C6: variants seen among roughly 807,000 people sequenced by gnomAD.
The protein encoded by C6 is complement C6, also known as complement component C6.
Under a neutral mutation model 112.9 loss-of-function variants are expected in C6, and 101 were observed. The observed-to-expected ratio is 0.89, with a 90% confidence interval of 0.76 to 1.06. The LOEUF (loss-of-function observed/expected upper bound fraction) is 1.06, where lower values mean the gene tolerates loss of function less well. Among genes scored for constraint, C6 ranks in the 50% least tolerant of loss-of-function variants. The pLI, the probability that C6 is intolerant of heterozygous loss-of-function variation, is 0.00. For missense variants in C6, 1,202 were observed against 1,104.6 expected (o/e 1.09, Z -1.25); for synonymous variants, 431 against 384.1 (o/e 1.12, Z -1.43).
chr5:41,172,927 T>G (rs1748549027), intron 8 of C6, among the ~76,000 whole-genome samples: 7 of 152,166 alleles, frequency 4.6e-5, no homozygotes, highest in Admixed American at 4.6e-4. Context: ...TCTCCTTAAT[T>G]CACCTGCTCA....
intron 9 of C6, among the ~76,000 whole-genome samples, chr5:41,164,086 G>A (rs1187729670): frequency 6.6e-6 from 1 of 150,662 alleles, no homozygotes; most frequent in Non-Finnish European, 1.5e-5. Context: ...AAACAAGGAT[G>A]GAAAAGAAGA....
At chr5:41,213,347 A>G (rs1752060964) in intron 1 of C6, 29 bp downstream of exon 1, 1 of 918,624 alleles carries the variant, frequency 1.1e-6, no homozygotes, top group Non-Finnish European at 1.3e-6. Context: ...AAATATTAAG[A>G]TTGAAAATGA....
At position 41,186,186 on chromosome 5, in the gene C6, G is replaced by A. The variant is rs977192561; in HGVS notation, c.610C>T (p.Pro204Ser). The A allele has an allele frequency of 6.2e-7, 1 of 1,613,624 alleles. No individual in the cohort carries two copies. Among genetic ancestry groups the A allele is most frequent in the Non-Finnish European group, 8.5e-7 (1 of 1,179,792 alleles). Residue 204 changes from proline to serine, a missense_variant, in exon 6 of 18, where the codon CCC (proline) becomes TCC (serine). Coordinates refer to ENST00000337836, the MANE Select transcript of C6 (RefSeq NM_000065.5). ...GNGFHFLAGE[P>S]RGEVLDNSFT... ...GAGTTATCAAGGACTTCTCCTCTGG[G>A]CTCTCCTGCCAGAAAATGAAACCTA... is the stretch of plus-strand genomic sequence containing the variant.
At chr5:41,251,884 G>A (rs2150438752) in intron 1 of C6, among the ~76,000 whole-genome samples, 1 of 152,238 alleles carries the variant, frequency 6.6e-6, no homozygotes, top group East Asian at 1.9e-4. Flanking sequence ...GAAGCAAAAA[G>A]CAAGTAAAGT....
At chr5:41,159,504 A>G in intron 11 of C6, 12 of 982,722 alleles carry the variant, frequency 1.2e-5, no homozygotes, top group Non-Finnish European at 1.5e-5. Flanking sequence ...ATTATTTTCA[A>G]CTGTTAAGAA....
At position 41,211,010 on chromosome 5, in the gene C6, G is replaced by A. The variant is rs577306327; in HGVS notation, c.-21+2366C>T. 3.3e-5 allele frequency among the ~76,000 whole-genome samples: 5 copies of A among 152,260 alleles called. No individual in the cohort carries two copies. In the East Asian group the frequency reaches 9.6e-4, roughly 29 times the overall value. On this transcript the variant is annotated intron_variant, in intron 1 of 17. Coordinates refer to ENST00000337836, the MANE Select transcript of C6 (RefSeq NM_000065.5). ...CCCAAATGTCCATCAATGATAGACTGGATTAAGAAAATGTGGCACATATAC... is the reference window on the plus strand; with the variant it reads ...CCCAAATGTCCATCAATGATAGACTAGATTAAGAAAATGTGGCACATATAC...
At chr5:41,231,028 C>T (rs1019167385) in intron 1 of C6, among the ~76,000 whole-genome samples, 1 of 152,108 alleles carries the variant, frequency 6.6e-6, no homozygotes, top group Non-Finnish European at 1.5e-5. Context: ...CTTTTGTTTA[C>T]TATTTGCATG....
At chr5:41,190,394 G>T (rs1017094702) in intron 5 of C6, among the ~76,000 whole-genome samples, 1 of 151,972 alleles carries the variant, frequency 6.6e-6, no homozygotes, top group Non-Finnish European at 1.5e-5. Context: ...TATTTGTTGG[G>T]CTCCTTTTGG....
At chr5:41,157,405 G>A (rs912674597) in intron 13 of C6, among the ~76,000 whole-genome samples, 12 of 152,168 alleles carry the variant, frequency 7.9e-5, no homozygotes, top group African/African-American at 2.9e-4. Context: ...AATGTTCTAG[G>A]GCAGGGGCCA....
At chr5:41,212,321 C>G (rs1181681005) in intron 1 of C6, among the ~76,000 whole-genome samples, 2 of 152,036 alleles carry the variant, frequency 1.3e-5, no homozygotes, top group Admixed American at 6.6e-5. Context: ...CCACCACACC[C>G]AGCTAATTTT....
rs371198074 is a variant in C6 at position 41,246,932 on chromosome 5, T to A, written c.-21+14262A>T. On this transcript the variant is annotated intron_variant, in intron 1 of 17. Coordinates refer to the C6 transcript ENST00000263413. ...AAGTAACATAATAAATTTATATGGT[T>A]ATAAAATCAGATTCAGAAAGTTAAA... 5.7e-4 allele frequency among the ~76,000 whole-genome samples: 87 copies of A among 152,294 alleles called. 1 individual carries two copies. Among genetic ancestry groups the A allele is most frequent in the African/African-American group, 2.0e-3 (85 of 41,540 alleles).
Position 41,150,053 on chromosome 5 carries a change from A to T in C6, c.2291-28T>A, listed in dbSNP as rs1746236230. On this transcript the variant is annotated intron_variant, in intron 15 of 17. Transcript: ENST00000337836. ...GAAACAAAAGAAAAAAGGAGAAAAG[A>T]ACAGTGCACAGCATGGATTCTAAGT... The T allele has an allele frequency of 3.7e-6, 5 of 1,356,720 alleles. No homozygotes were observed. The East Asian group carries it at 9.2e-5, about 25-fold the overall frequency. The allele number at this position is 1,356,720 out of a possible 1,614,324, so 84.0% of individuals were successfully genotyped here. A position where few individuals can be genotyped will look rare whatever the true frequency, so the allele number is the denominator to read the frequency against.
At chr5:41,254,168 G>A (rs758418610) in intron 1 of C6, among the ~76,000 whole-genome samples, 3 of 152,130 alleles carry the variant, frequency 2.0e-5, no homozygotes, top group Admixed American at 6.6e-5. Context: ...TTGGGAGGCC[G>A]AGGTGGGTGG....
intron 9 of C6, among the ~76,000 whole-genome samples, chr5:41,165,604 A>T (rs745584346): frequency 9.9e-5 from 15 of 152,112 alleles, no homozygotes; most frequent in Non-Finnish European, 1.5e-5. Context: ...TACAATTTCA[A>T]CTACAATTTT....
At chr5:41,243,820 T>C (rs901879546) in intron 1 of C6, among the ~76,000 whole-genome samples, 1 of 152,208 alleles carries the variant, frequency 6.6e-6, no homozygotes, top group Non-Finnish European at 1.5e-5. Flanking sequence ...CACTCAAACT[T>C]GGACAGCTGG....
intron 4 of C6, among the ~76,000 whole-genome samples, chr5:41,198,328 G>A (rs536903563): frequency 8.5e-5 from 13 of 152,268 alleles, no homozygotes; most frequent in African/African-American, 3.1e-4. Flanking sequence ...AGTGGCATTA[G>A]TAGATGCTTT....
At chr5:41,254,627 A>C (rs1741569828) in intron 1 of C6, among the ~76,000 whole-genome samples, 1 of 152,216 alleles carries the variant, frequency 6.6e-6, no homozygotes, top group Admixed American at 6.5e-5. Context: ...TATTCTAATT[A>C]TTATCTGATA....
intron 9 of C6, among the ~76,000 whole-genome samples, chr5:41,163,138 G>A (rs2150277150): frequency 6.7e-6 from 1 of 150,046 alleles, no homozygotes; most frequent in Non-Finnish European, 1.5e-5. Flanking sequence ...GCAGATTGAA[G>A]ATAATGCCAA....
chr5:41,198,285 A>G (rs923182430), intron 4 of C6, among the ~76,000 whole-genome samples: 1 of 152,186 alleles, frequency 6.6e-6, no homozygotes, highest in African/African-American at 2.4e-5. Context: ...AGTCAGAAAA[A>G]CAATCATTCA....
Sources: gnomAD v4.1 joint callset for allele counts (sites outside exome capture counted in the v4.1 genomes callset) on GRCh38, gnomAD v4.1.1 for gene constraint, MANE v1.5 for transcripts, NCBI Gene and HGNC (gene_info 2026-07-23, HGNC 2026-07-21) for gene names.